Variants in ATP9A observed in about 807,000 individuals in gnomAD.
ATP9A encodes the protein probable phospholipid-transporting ATPase IIA.
ATP9A carries 52 observed loss-of-function variants against 144.1 expected under a neutral mutation model. That is an observed-to-expected ratio of 0.36 (90% CI 0.29 to 0.45). The LOEUF (loss-of-function observed/expected upper bound fraction) is 0.45, where lower values mean the gene tolerates loss of function less well. Ranked by LOEUF, ATP9A falls within the 20% of genes least tolerant of loss-of-function variation. ATP9A has a pLI of 1.00. For missense variants in ATP9A, 947 were observed against 1,392.7 expected, an observed-to-expected ratio of 0.68 and a Z score of 5.09; for synonymous variants, 582 against 557.4, an observed-to-expected ratio of 1.04 and a Z score of -0.62.
At chr20:51,698,379 T>G (rs752145950) in intron 4 of ATP9A, among the ~76,000 whole-genome samples, 1 of 152,164 alleles carries the variant, frequency 6.6e-6, no homozygotes, top group Non-Finnish European at 1.5e-5. Context: ...AAAAATTAGC[T>G]GGATGTGGTG....
chr20:51,753,947 C>T (rs1486142583), intron 1 of ATP9A, among the ~76,000 whole-genome samples: 2 of 151,816 alleles, frequency 1.3e-5, no homozygotes, highest in East Asian at 2.0e-4. Context: ...TGCTGGGTTA[C>T]AGGCACGAGC....
intron 4 of ATP9A, among the ~76,000 whole-genome samples, chr20:51,709,284 G>C (rs1289202334): frequency 1.3e-5 from 2 of 152,126 alleles, no homozygotes; most frequent in Non-Finnish European, 2.9e-5. Flanking sequence ...GGAGGCTGAG[G>C]TGGGCCAACT....
chr20:51,768,131 G>C (rs2077913607), intron 1 of ATP9A, among the ~76,000 whole-genome samples, 171 bp downstream of exon 1: 1 of 151,880 alleles, frequency 6.6e-6, no homozygotes, highest in African/African-American at 2.4e-5. Flanking sequence ...GGTGCCGCCC[G>C]GGGCTGAAGC....
intron 1 of ATP9A, among the ~76,000 whole-genome samples, chr20:51,746,107 A>T (rs1309401423): frequency 6.6e-6 from 1 of 152,218 alleles, no homozygotes; most frequent in Non-Finnish European, 1.5e-5. Context: ...GTTCTCACTT[A>T]TAAGTAGGAG....
intron 14 of ATP9A, among the ~76,000 whole-genome samples, chr20:51,654,756 T>A (rs1454526247): frequency 6.6e-6 from 1 of 150,774 alleles, no homozygotes; most frequent in Non-Finnish European, 1.5e-5. Flanking sequence ...AAAATACTCA[T>A]TCAATTTGAC....
At chr20:51,611,000 G>T (rs1410445825) in intron 23 of ATP9A, among the ~76,000 whole-genome samples, 1 of 152,164 alleles carries the variant, frequency 6.6e-6, no homozygotes, top group Non-Finnish European at 1.5e-5. Context: ...TTGAAGCTCT[G>T]TTAGCTCCAT....
intron 7 of ATP9A, among the ~76,000 whole-genome samples, chr20:51,693,650 G>A (rs559736052): frequency 2.0e-5 from 3 of 152,130 alleles, no homozygotes; most frequent in African/African-American, 2.4e-5. Flanking sequence ...CAATCCTCCC[G>A]ACTCAGCCTC....
At chr20:51,656,225 A>C (rs1210084765) in intron 14 of ATP9A, among the ~76,000 whole-genome samples, 2 of 152,144 alleles carry the variant, frequency 1.3e-5, no homozygotes, top group African/African-American at 2.4e-5. Context: ...GTTGCAAAAA[A>C]AAAAAAAAAT....
chr20:51,764,971 T>C (rs949304625), intron 1 of ATP9A, among the ~76,000 whole-genome samples: 5 of 152,154 alleles, frequency 3.3e-5, no homozygotes, highest in Admixed American at 2.6e-4. Flanking sequence ...TCCGCCCACC[T>C]TGGCCTCCCA....
chr20:51,718,366 G>T (rs2077671479), intron 3 of ATP9A, among the ~76,000 whole-genome samples: 1 of 143,468 alleles, frequency 7.0e-6, no homozygotes, highest in African/African-American at 2.5e-5. Context: ...ATCACCCTAT[G>T]TGTGTGTGGG....
At chr20:51,699,385 A>G (rs930114245) in intron 4 of ATP9A, among the ~76,000 whole-genome samples, 3 of 151,766 alleles carry the variant, frequency 2.0e-5, no homozygotes, top group African/African-American at 7.3e-5. Flanking sequence ...ACGAAATAAT[A>G]TAAGTGCACA....
At chr20:51,730,264 C>T (rs1310074554) in intron 1 of ATP9A, among the ~76,000 whole-genome samples, 1 of 152,082 alleles carries the variant, frequency 6.6e-6, no homozygotes, top group Non-Finnish European at 1.5e-5. Context: ...GTCAAGAGAT[C>T]GAGACCATCC....
At chr20:51,617,096 C>A (rs2077206282) in intron 22 of ATP9A, among the ~76,000 whole-genome samples, 1 of 152,058 alleles carries the variant, frequency 6.6e-6, no homozygotes, top group Non-Finnish European at 1.5e-5. Flanking sequence ...CACCCACCAC[C>A]ATGCCCAGCT....
rs540594106 is a variant in ATP9A at position 51,698,388 on chromosome 20, T to C, written c.437-906A>G. ...AAACATAAAAATTAGCTGGATGTGG[T>C]GGCACATGCCTATAGTCCCGGCTAT... On this transcript the variant is annotated intron_variant, in intron 4 of 27. Transcript: ENST00000338821. 2.6e-5 allele frequency among the ~76,000 whole-genome samples: 4 copies of C among 152,320 alleles called. No individual in the cohort carries two copies. The South Asian group carries it at 8.3e-4, about 32-fold the overall frequency.
intron 6 of ATP9A, among the ~76,000 whole-genome samples, chr20:51,695,466 G>GAAAAA (rs5841858): frequency 8.0e-6 from 1 of 124,998 alleles, no homozygotes; most frequent in Non-Finnish European, 1.6e-5. Context: ...CGGTCTCAAG[G>GAAAAA]AAAAAAAAAA....
chr20:51,712,923 T>C, intron 4 of ATP9A, 43 bp downstream of exon 4: 1 of 1,530,516 alleles, frequency 6.5e-7, no homozygotes, highest in Non-Finnish European at 8.9e-7. Context: ...CAGCGGCCCG[T>C]GATTGAGCTG....
In ATP9A at chr20:51,599,990, G is replaced by C. The variant is rs2077135302; in HGVS notation, c.*1221C>G. The C allele has an allele frequency of 6.6e-6, 1 of 152,172 alleles. No individual in the cohort carries two copies. Among genetic ancestry groups the C allele is most frequent in the Non-Finnish European group, 1.5e-5 (1 of 68,042 alleles). 9.4% of individuals were successfully genotyped at this position (152,172 alleles called of 1,614,324 possible). ...GAAACAAGCAGCCACAGCTTTATAA[G>C]AAACATGCCGGCATGTAGTCCATCC... On this transcript the variant is annotated 3_prime_UTR_variant, in exon 28 of 28. Transcript: ENST00000338821.
chr20:51,707,727 ACTAT>A, intron 4 of ATP9A, among the ~76,000 whole-genome samples: 1 of 152,206 alleles, frequency 6.6e-6, no homozygotes, highest in East Asian at 1.9e-4. Flanking sequence ...ACTTTTTGTA[ACTAT>A]CTGTCTACAG....
chr20:51,609,801 T>C (rs2077178225), intron 24 of ATP9A, among the ~76,000 whole-genome samples: 1 of 152,206 alleles, frequency 6.6e-6, no homozygotes, highest in African/African-American at 2.4e-5. Flanking sequence ...CCTTCCACCT[T>C]GCTCTCCTCA....
Sources: gnomAD v4.1 joint callset for allele counts (sites outside exome capture counted in the v4.1 genomes callset) on GRCh38, gnomAD v4.1.1 for gene constraint, MANE v1.5 for transcripts, NCBI Gene and HGNC (gene_info 2026-07-23, HGNC 2026-07-21) for gene names.